Variants in FCHSD1 observed in about 807,000 individuals in gnomAD.
FCHSD1 encodes the protein F-BAR and double SH3 domains protein 1.
A neutral mutation model predicts 101.3 loss-of-function variants in FCHSD1; 109 were observed. That is an observed-to-expected ratio of 1.08 (90% CI 0.92 to 1.26). The LOEUF (loss-of-function observed/expected upper bound fraction) is 1.26. Ranked by LOEUF, FCHSD1 falls within the 50% of genes most tolerant of loss-of-function variation. The probability of loss-of-function intolerance (pLI) is 0.00; values close to 1 mark genes in which losing one functional copy is unlikely to be tolerated. For synonymous variants in FCHSD1, 291 were observed against 356.8 expected, an observed-to-expected ratio of 0.82 and a Z score of 2.08; for missense variants, 820 against 895.8, an observed-to-expected ratio of 0.92 and a Z score of 1.08.
In FCHSD1 at chr5:141,641,721, A is replaced by G. The variant is rs1300881929; in HGVS notation, c.1988T>C (p.Met663Thr). The change falls in exon 19 of 20, where the codon ATG becomes ACG. Residue 663 changes from methionine (M) to threonine (T), a missense_variant. Coordinates refer to ENST00000435817, the MANE Select transcript of FCHSD1 (RefSeq NM_033449.3). ...CCTTACCGGCCTGAGTCGAGGTGCC[A>G]TCATGTCCAGGAACCCAGGGAAGTC... Reference protein sequence around the residue: ...ALDFPGFLDMMAPRLRPMRPP... With the variant: ...ALDFPGFLDMTAPRLRPMRPP... 3.7e-6 allele frequency: 6 copies of G among 1,613,952 alleles called. No individual in the cohort carries two copies. The highest frequency in any genetic ancestry group is 1.3e-5 in the African/African-American group (1 of 74,952).
Position 141,641,576 on chromosome 5 carries a change from C to T in FCHSD1, c.2008-13G>A, listed in dbSNP as rs750997803. 6.4e-7 allele frequency: 1 copy of T among 1,573,606 alleles called. No individual in the cohort carries two copies. The highest frequency in any genetic ancestry group is 1.4e-5 in the African/African-American group (1 of 73,924). ...GTGGTGGACGCATCTGTAGGGAACA[C>T]ACAGTTAGTGCTCCAGAGTTCTCCC... On this transcript the variant is annotated splice_polypyrimidine_tract_variant and intron_variant, in intron 19 of 19. Coordinates refer to ENST00000435817, the MANE Select transcript of FCHSD1 (RefSeq NM_033449.3).
In FCHSD1 at chr5:141,640,581, G is replaced by A; in HGVS notation, c.*917C>T. On this transcript the variant is annotated 3_prime_UTR_variant, in exon 20 of 20. Coordinates refer to ENST00000435817, the MANE Select transcript of FCHSD1 (RefSeq NM_033449.3). ...TTGCTATAAATCCCTTGGTTTGGTG[G>A]TGGAGGTAGGGAAGGTCCTGGAGCC... The A allele has an allele frequency of 6.4e-7, 1 of 1,551,288 alleles. No individual in the cohort carries two copies. The highest frequency in any genetic ancestry group is 8.7e-7 in the Non-Finnish European group (1 of 1,147,030).
intron 13 of FCHSD1, 44 bp downstream of exon 13, chr5:141,645,727 T>C (rs376772696): frequency 1.3e-6 from 2 of 1,570,894 alleles, no homozygotes. Context: ...ACTGGAGTTT[T>C]TCCCTTCTAA....
intron 1 of FCHSD1, 59 bp downstream of exon 1, chr5:141,651,289 C>G (rs2099908381): frequency 6.4e-7 from 1 of 1,550,850 alleles, no homozygotes. Context: ...GTCGGATGCC[C>G]CCTTAGCTCC....
chr5:141,641,719 C>T lies in FCHSD1; in HGVS notation c.1990G>A (p.Ala664Thr). 1.9e-6 allele frequency: 3 copies of T among 1,614,050 alleles called. No homozygotes were observed. Among genetic ancestry groups the T allele is most frequent in the Non-Finnish European group, 2.5e-6 (3 of 1,179,906 alleles). Reference sequence around the variant, plus strand: ...GCCCTTACCGGCCTGAGTCGAGGTGCCATCATGTCCAGGAACCCAGGGAAG... The same window carrying T: ...GCCCTTACCGGCCTGAGTCGAGGTGTCATCATGTCCAGGAACCCAGGGAAG... ...LDFPGFLDMM[A>T]PRLRPMRPPP... is the part of the protein sequence containing the mutation. Residue 664 changes from alanine to threonine, a missense_variant, in exon 19 of 20, where the codon GCA becomes ACA. Coordinates refer to ENST00000435817, the MANE Select transcript of FCHSD1 (RefSeq NM_033449.3).
Position 141,639,576 on chromosome 5 carries a change from G to A in FCHSD1, c.*1922C>T. ...CAGCCGCAGCAAGAGGCCTCCACTT[G>A]TCCGTCAGGGACGCTCCAAGGAAGG... is the stretch of plus-strand genomic sequence containing the variant. On this transcript the variant is annotated 3_prime_UTR_variant, in exon 20 of 20. Transcript: ENST00000435817. This position sits in a 1 kb window ranked among gnomAD's most constrained non-coding sequence, Gnocchi z 4.4. The A allele has an allele frequency of 6.2e-7, 1 of 1,614,034 alleles. No individual in the cohort carries two copies. Among genetic ancestry groups the A allele is most frequent in the Non-Finnish European group, 8.5e-7 (1 of 1,180,022 alleles).
chr5:141,648,770 T>C (rs892991940), intron 7 of FCHSD1, among the ~76,000 whole-genome samples, 187 bp downstream of exon 7: 19 of 152,164 alleles, frequency 1.2e-4, no homozygotes, highest in Non-Finnish European at 2.2e-4. Flanking sequence ...AAGAAGGGTA[T>C]TCTCTCCATT....
intron 8 of FCHSD1, 145 bp downstream of exon 8, chr5:141,647,823 G>T: frequency 8.1e-7 from 1 of 1,238,232 alleles, no homozygotes; most frequent in Non-Finnish European, 1.1e-6. Flanking sequence ...GCTAGGAGCA[G>T]AACCAGAGTG....
chr5:141,649,020 C>G lies in FCHSD1; in HGVS notation c.513G>C (p.Arg171Ser). Residue 171 changes from arginine to serine, a missense_variant and splice_region_variant, in exon 7 of 20, where the codon AGG becomes AGC. Coordinates refer to ENST00000435817, the MANE Select transcript of FCHSD1 (RefSeq NM_033449.3). This position sits in a 1 kb window ranked among gnomAD's most constrained non-coding sequence, Gnocchi z 4.1. ...AQEKAADVQA[R>S]LNRSDHGIFH... ...AGATCCCATGGTCACTTCGGTTTAG[C>G]CTGTGCAGATGAGAGAAAGGAGTCA... The G allele has an allele frequency of 1.2e-6, 2 of 1,613,956 alleles. No homozygotes were observed. Among genetic ancestry groups the G allele is most frequent in the Non-Finnish European group, 1.7e-6 (2 of 1,179,870 alleles).
rs574076932 is a variant in FCHSD1 at position 141,642,926 on chromosome 5, C to T, written c.1951+75G>A. ...CCTGAAGGCACGGAGAGGACCAGAG[C>T]GTGACCTGGGAGTCCAAGCTTCCTC... On this transcript the variant is annotated intron_variant, in intron 18 of 19. Transcript: ENST00000435817. 1.4e-5 allele frequency: 20 copies of T among 1,428,220 alleles called. No homozygotes were observed. The East Asian group carries it at 2.3e-4, about 16-fold the overall frequency. The allele number at this position is 1,428,220 out of a possible 1,614,324, so 88.5% of individuals were successfully genotyped here. A position where few individuals can be genotyped will look rare whatever the true frequency, so the allele number is the denominator to read the frequency against.
At chr5:141,647,588 C>T (rs775188021) in intron 8 of FCHSD1, 68 bp from the exon 9 acceptor site, 15 of 1,587,996 alleles carry the variant, frequency 9.4e-6, no homozygotes, top group Middle Eastern at 1.7e-4. Context: ...AGGCTCGTTC[C>T]AGATTTGACA....
chr5:141,650,059 G>A, intron 3 of FCHSD1, 105 bp from the exon 4 acceptor site: 1 of 1,219,324 alleles, frequency 8.2e-7, no homozygotes, highest in South Asian at 1.6e-5. Flanking sequence ...GGTACATTAT[G>A]TGCCACTTGC....
In FCHSD1 at chr5:141,641,489, C is replaced by A. The variant is rs200503843; in HGVS notation, c.*9G>T. On this transcript the variant is annotated 3_prime_UTR_variant, in exon 20 of 20. Coordinates refer to ENST00000435817, the MANE Select transcript of FCHSD1 (RefSeq NM_033449.3). ...GCAGCATCACTGGGGGTCAAGGCTT[C>A]CCTGGCCTTCAGGTGAGGGGATCTG... is the stretch of plus-strand genomic sequence containing the variant. The A allele has an allele frequency of 2.1e-5, 31 of 1,481,844 alleles. No individual in the cohort carries two copies. The African/African-American group carries it at 3.4e-4, about 16-fold the overall frequency. The allele number at this position is 1,481,844 out of a possible 1,614,324, so 91.8% of individuals were successfully genotyped here. A position where few individuals can be genotyped will look rare whatever the true frequency, so the allele number is the denominator to read the frequency against.
rs1399402184 is a variant in FCHSD1, at chr5:141,639,975, T to G, written c.*1523A>C. On this transcript the variant is annotated 3_prime_UTR_variant, in exon 20 of 20. Transcript: ENST00000435817. This position sits in a 1 kb window ranked among gnomAD's most constrained non-coding sequence, Gnocchi z 4.4. ...TGGACTGCACGAACACCGTGATGGC[T>G]CCCCCACAGACAGGAGCTGGGGCTC... 2 of 1,613,340 alleles carry G rather than the reference T, an allele frequency of 1.2e-6. No homozygotes were observed. Among genetic ancestry groups the G allele is most frequent in the Non-Finnish European group, 1.7e-6 (2 of 1,179,890 alleles).
chr5:141,649,927 G>A lies in FCHSD1; in HGVS notation c.193C>T (p.Leu65=), dbSNP rs1021060627. 5 of 1,549,604 alleles carry A rather than the reference G, an allele frequency of 3.2e-6. No homozygotes were observed. The African/African-American group carries it at 5.5e-5, about 17-fold the overall frequency. The change falls in exon 4 of 20, where the codon CTG becomes TTG. Residue 65 remains leucine, a synonymous_variant. Transcript: ENST00000435817. This position sits in a 1 kb window ranked among gnomAD's most constrained non-coding sequence, Gnocchi z 4.1. ...QALQKLAGPF[L]KREGHRSGEM... is the part of the protein sequence containing the mutation. Reference sequence around the variant, plus strand: ...CCGCTCCGGTGCCCTTCCCTCTTCAGGAATGGGCCAGCCAGTTTCTGGAGT... The same window carrying A: ...CCGCTCCGGTGCCCTTCCCTCTTCAAGAATGGGCCAGCCAGTTTCTGGAGT...
At chr5:141,647,300 T>C in intron 9 of FCHSD1, 70 bp from the exon 10 acceptor site, 1 of 1,561,698 alleles carries the variant, frequency 6.4e-7, no homozygotes, top group Middle Eastern at 1.7e-4. Flanking sequence ...TAGCACTTCT[T>C]GGAAGAAAAA....
rs767340406 is a variant in FCHSD1 at position 141,646,289 on chromosome 5, T to C, written c.1045-98A>G. On this transcript the variant is annotated intron_variant, in intron 11 of 19. Coordinates refer to ENST00000435817, the MANE Select transcript of FCHSD1 (RefSeq NM_033449.3). ...TGCTAGTTGCATCACATACATTATGTCATTTAATCTTCCCTATGAGGTGGG... is the reference window on the plus strand; with the variant it reads ...TGCTAGTTGCATCACATACATTATGCCATTTAATCTTCCCTATGAGGTGGG... 9.7e-5 allele frequency: 111 copies of C among 1,145,474 alleles called. No homozygotes were observed. In the South Asian group the frequency reaches 1.0e-3, roughly 10 times the overall value. 71.0% of individuals were successfully genotyped at this position (1,145,474 alleles called of 1,614,324 possible).
rs767554840 is a variant in FCHSD1, at chr5:141,641,703, G to A, written c.2006C>T (p.Pro669Leu). 14 of 1,613,874 alleles carry A rather than the reference G, an allele frequency of 8.7e-6. No individual in the cohort carries two copies. The Admixed American group carries it at 1.0e-4, about 12-fold the overall frequency. The change falls in exon 19 of 20, where the codon CCG becomes CTG. Residue 669 changes from proline to leucine, a missense_variant and splice_region_variant. Coordinates refer to ENST00000435817, the MANE Select transcript of FCHSD1 (RefSeq NM_033449.3). ...FLDMMAPRLR[P>L]MRPPPPPPAK... ...CTCCTCCAAGGCAAGGGCCCTTACC[G>A]GCCTGAGTCGAGGTGCCATCATGTC... is the stretch of plus-strand genomic sequence containing the variant.
At position 141,645,583 on chromosome 5, in the gene FCHSD1, C is replaced by T. The variant is rs144253237; in HGVS notation, c.1311+188G>A. The stretch of plus-strand genomic sequence containing the variant: ...TACTTCTTAATCATTCTATTATGCT[C>T]ATAATAAAAATGTACTGAGGACTCT... On this transcript the variant is annotated intron_variant, in intron 13 of 19. Transcript: ENST00000435817. Among the ~76,000 whole-genome samples the T allele has an allele frequency of 6.8e-4, 104 of 152,286 alleles. No homozygotes were observed. In the East Asian group the frequency reaches 0.018, roughly 26 times the overall value.
Sources: gnomAD v4.1 joint callset for allele counts (sites outside exome capture counted in the v4.1 genomes callset) on GRCh38, gnomAD v4.1.1 for gene constraint, Gnocchi (gnomAD v3.1) non-coding constraint, MANE v1.5 for transcripts, NCBI Gene and HGNC (gene_info 2026-07-23, HGNC 2026-07-21) for gene names.